CHD1L: variants seen among roughly 807,000 people sequenced by gnomAD.
CHD1L encodes the protein ATP-dependent chromatin remodeler CHD1L.
CHD1L carries 118 observed loss-of-function variants against 115.9 expected under a neutral mutation model. The observed-to-expected ratio is 1.02, with a 90% CI of 0.88 to 1.19. The LOEUF is 1.19. Among genes scored for constraint, CHD1L ranks in the 50% most tolerant of loss-of-function variants. The pLI is 0.00. For synonymous variants in CHD1L, 411 were observed against 387.1 expected (o/e 1.06, Z -0.72); for missense variants, 1,179 against 1,065.3 (o/e 1.11, Z -1.49).
the CHD1L span, among the ~76,000 whole-genome samples, chr1:147,202,882 G>C: frequency 6.6e-6 from 1 of 151,998 alleles, no homozygotes; most frequent in Non-Finnish European, 1.5e-5. Context: ...TGGTCACCAA[G>C]CCTTTTCCCT....
At chr1:147,210,724 G>A in the CHD1L span, 5 of 152,140 alleles carry the variant, frequency 3.3e-5, no homozygotes, top group African/African-American at 1.2e-4. Context: ...ATTAAGCAGT[G>A]TTTTTGTAAA....
rs1278899265 is a variant in CHD1L, at chr1:147,272,516, C to G, written c.1270+235C>G. 6 of 358,886 alleles carry G rather than the reference C, an allele frequency of 1.7e-5. No homozygotes were observed. In the East Asian group the frequency reaches 2.4e-4, roughly 14 times the overall value. The allele number at this position is 358,886 out of a possible 1,614,324, so 22.2% of individuals were successfully genotyped here. A position where few individuals can be genotyped will look rare whatever the true frequency, so the allele number is the denominator to read the frequency against. ...GGGGTTATTGGAAAGTAATTCTAAT[C>G]TGCTTTGACCATTGACCTGGGAATG... is the stretch of plus-strand genomic sequence containing the variant. On this transcript the variant is annotated intron_variant, in intron 12 of 22. Coordinates refer to ENST00000369258, the MANE Select transcript of CHD1L (RefSeq NM_004284.6).
At chr1:147,219,746 A>T in the CHD1L span, among the ~76,000 whole-genome samples, 12 of 151,890 alleles carry the variant, frequency 7.9e-5, no homozygotes, top group African/African-American at 2.9e-4. Context: ...AGGATTAAAA[A>T]AAAAAAGTAA....
intron 15 of CHD1L, among the ~76,000 whole-genome samples, chr1:147,280,558 C>G (rs936382858): frequency 3.9e-5 from 6 of 152,202 alleles, no homozygotes. Context: ...CTCTTCTAAA[C>G]AGTAGAATTA....
chr1:147,237,295 G>A, the CHD1L span, among the ~76,000 whole-genome samples: 5 of 152,270 alleles, frequency 3.3e-5, no homozygotes, highest in East Asian at 9.7e-4. Context: ...GTGCAGAGAT[G>A]CCCAGGTCTG....
chr1:147,279,681 C>G (rs1323720059), intron 14 of CHD1L, among the ~76,000 whole-genome samples: 2 of 152,070 alleles, frequency 1.3e-5, no homozygotes, highest in African/African-American at 4.8e-5. Flanking sequence ...CAAGTGGCTG[C>G]TGGGAATGCT....
chr1:147,174,372 A>T, the CHD1L span: 1 of 152,222 alleles, frequency 6.6e-6, no homozygotes, highest in Non-Finnish European at 1.5e-5. Flanking sequence ...TCTGACCCCA[A>T]GGTGGTTTCA....
chr1:147,274,867 A>G (rs1677715368), intron 12 of CHD1L, among the ~76,000 whole-genome samples: 1 of 152,094 alleles, frequency 6.6e-6, no homozygotes, highest in Admixed American at 6.5e-5. Context: ...GTATAATATC[A>G]TCCACTCTTC....
At position 147,287,616 on chromosome 1, in the gene CHD1L, TTTCTC is replaced by T; in HGVS notation, c.2222-16_2222-12del. On this transcript the variant is annotated splice_polypyrimidine_tract_variant and intron_variant, in intron 18 of 22. Coordinates refer to ENST00000369258, the MANE Select transcript of CHD1L (RefSeq NM_004284.6). ...GACTTCACCTCCTATAGATGAAAAT[TTTCTC>T]TTTCTTCAAACAGATGACTCTGGCC... The T allele has an allele frequency of 6.2e-7, 1 of 1,602,772 alleles. No homozygotes were observed. Among genetic ancestry groups the T allele is most frequent in the South Asian group, 1.1e-5 (1 of 89,932 alleles).
At chr1:147,215,651 A>C in the CHD1L span, 5 of 821,948 alleles carry the variant, frequency 6.1e-6, no homozygotes, top group South Asian at 7.2e-5. Context: ...ATACATGTGC[A>C]AATCAAGCCA....
the CHD1L span, among the ~76,000 whole-genome samples, chr1:147,216,417 T>C: frequency 1.7e-4 from 26 of 152,116 alleles, no homozygotes; most frequent in Non-Finnish European, 3.7e-4. Flanking sequence ...CACTGAGTAA[T>C]AGTCTTTTAA....
intron 17 of CHD1L, 147 bp downstream of exon 17, chr1:147,285,634 C>T (rs1553965088): frequency 2.2e-6 from 2 of 924,604 alleles, no homozygotes; most frequent in East Asian, 2.5e-5. Context: ...GAAAACATTT[C>T]CTCTAGGTAA....
chr1:147,265,788 A>C (rs1171607070), intron 7 of CHD1L, 144 bp from the exon 8 acceptor site: 5 of 618,164 alleles, frequency 8.1e-6, no homozygotes, highest in Admixed American at 7.4e-5. Flanking sequence ...AGGAAGAAAT[A>C]CTATAAAAAA....
the CHD1L span, among the ~76,000 whole-genome samples, chr1:147,236,703 CAGCTCTT>C: frequency 6.6e-6 from 1 of 152,196 alleles, no homozygotes; most frequent in Non-Finnish European, 1.5e-5. Flanking sequence ...ATTGTCAACT[CAGCTCTT>C]AGCAGAGAGT....
At chr1:147,201,001 G>A in the CHD1L span, 2 of 646,052 alleles carry the variant, frequency 3.1e-6, no homozygotes, top group South Asian at 4.3e-5. Context: ...TGCTACTTTA[G>A]ATTCACTCAA....
chr1:147,216,573 TA>T, the CHD1L span, among the ~76,000 whole-genome samples: 4 of 152,128 alleles, frequency 2.6e-5, no homozygotes, highest in Non-Finnish European at 5.9e-5. Context: ...CCTAGCCTTT[TA>T]AAAAAATATT....
chr1:147,207,014 A>G, the CHD1L span, among the ~76,000 whole-genome samples: 2 of 151,948 alleles, frequency 1.3e-5, no homozygotes, highest in African/African-American at 2.4e-5. Flanking sequence ...CTGACAGGAT[A>G]CTAGATTTAA....
In CHD1L at chr1:147,291,403, A is replaced by G. The variant is rs1055769442; in HGVS notation, c.2321-79A>G. 17 of 1,242,386 alleles carry G rather than the reference A, an allele frequency of 1.4e-5. No individual in the cohort carries two copies. In the East Asian group the frequency reaches 1.6e-4, roughly 12 times the overall value. The allele number at this position is 1,242,386 out of a possible 1,614,324, so 77.0% of individuals were successfully genotyped here. A position where few individuals can be genotyped will look rare whatever the true frequency, so the allele number is the denominator to read the frequency against. ...GGGTCCTGAAACCCAACTGAATTTG[A>G]AGAAGGCGAGATACGAGGAGGATTC... On this transcript the variant is annotated intron_variant, in intron 19 of 22. Coordinates refer to ENST00000369258, the MANE Select transcript of CHD1L (RefSeq NM_004284.6).
At position 147,255,821 on chromosome 1, in the gene CHD1L, C is replaced by A. The variant is rs1669926283; in HGVS notation, c.356C>A (p.Pro119Gln). Residue 119 changes from proline (P) to glutamine (Q), a missense_variant, in exon 4 of 23, where the codon CCA (proline) becomes CAA (glutamine). By Grantham distance (76) the Pro-to-Gln change is moderately conservative. Coordinates refer to ENST00000369258, the MANE Select transcript of CHD1L (RefSeq NM_004284.6). ...NWKEEMQRFA[P>Q]GLSCVTYAGD... ...TCTTTTCTTGGATTCAGATTTGCTC[C>A]AGGTCTTTCCTGTGTAACATATGCA... The A allele has an allele frequency of 6.2e-7, 1 of 1,607,168 alleles. No homozygotes were observed. The highest frequency in any genetic ancestry group is 8.5e-7 in the Non-Finnish European group (1 of 1,175,852).
Sources: gnomAD v4.1 joint callset for allele counts (sites outside exome capture counted in the v4.1 genomes callset) on GRCh38, gnomAD v4.1.1 for gene constraint, MANE v1.5 for transcripts, NCBI Gene and HGNC (gene_info 2026-07-23, HGNC 2026-07-21) for gene names.